DLGAP2: variants seen among roughly 807,000 people sequenced by gnomAD.
DLGAP2 encodes the protein DLG associated protein 2.
In DLGAP2, 26 loss-of-function variants were observed where a neutral mutation model predicts 100.3. The ratio of observed to expected loss-of-function variants is 0.26; its 90% CI spans 0.19 to 0.36. The LOEUF is 0.36. DLGAP2 is among the 10% of genes least tolerant of loss of function. The pLI is 1.00. For synonymous variants in DLGAP2, 886 were observed against 630.1 expected (o/e 1.41, Z -6.08); for missense variants, 1,858 against 1,453.2 (o/e 1.28, Z -4.53).
intron 3 of DLGAP2, among the ~76,000 whole-genome samples, chr8:1,327,629 G>T (rs140076083): frequency 0.023 from 3,570 of 152,198 alleles, 153 homozygotes; most frequent in African/African-American, 0.082. Flanking sequence ...TGGATCACGA[G>T]GTCAGGAGAT....
intron 3 of DLGAP2, among the ~76,000 whole-genome samples, chr8:1,262,932 G>A (rs955283728): frequency 6.6e-6 from 1 of 152,060 alleles, no homozygotes; most frequent in African/African-American, 2.4e-5. Flanking sequence ...GGCTTGATTT[G>A]TCACCACAGC....
At chr8:1,630,702 G>GA (rs753113277) in intron 7 of DLGAP2, among the ~76,000 whole-genome samples, 162 of 136,524 alleles carry the variant, frequency 1.2e-3, no homozygotes, top group South Asian at 9.3e-4. Flanking sequence ...ACTCCATCTC[G>GA]AAAAAAAAAA....
intron 2 of DLGAP2, among the ~76,000 whole-genome samples, chr8:1,078,196 A>G (rs1423340801): frequency 2.0e-5 from 3 of 152,172 alleles, no homozygotes. Flanking sequence ...TTATTCATCT[A>G]GAACATTATT....
chr8:1,158,848 A>C (rs1796840558), intron 2 of DLGAP2, among the ~76,000 whole-genome samples: 1 of 152,176 alleles, frequency 6.6e-6, no homozygotes, highest in Non-Finnish European at 1.5e-5. Context: ...GGACCCCGTT[A>C]GTGGGATTCT....
At chr8:918,031 T>C (rs948939660) in intron 2 of DLGAP2, among the ~76,000 whole-genome samples, 27 of 152,174 alleles carry the variant, frequency 1.8e-4, no homozygotes, top group African/African-American at 6.5e-4. Context: ...TCTAGGGCTG[T>C]GGATGATGTG....
chr8:1,121,974 A>G (rs908401922), intron 2 of DLGAP2, among the ~76,000 whole-genome samples: 1 of 152,092 alleles, frequency 6.6e-6, no homozygotes, highest in African/African-American at 2.4e-5. Context: ...CTTCTTTCTC[A>G]TGGTGTTGCC....
intron 2 of DLGAP2, among the ~76,000 whole-genome samples, chr8:1,218,174 C>T (rs1379579962): frequency 1.3e-5 from 2 of 152,162 alleles, no homozygotes; most frequent in Non-Finnish European, 2.9e-5. Context: ...ACACTATGTT[C>T]AGAATGGTAT....
intron 2 of DLGAP2, among the ~76,000 whole-genome samples, chr8:1,200,437 G>C (rs1053018122): frequency 1.3e-5 from 2 of 152,196 alleles, no homozygotes; most frequent in African/African-American, 4.8e-5. Context: ...GATTCATGGT[G>C]TTTCCGTTCA....
intron 3 of DLGAP2, among the ~76,000 whole-genome samples, chr8:1,337,977 C>T (rs758890899): frequency 6.6e-6 from 1 of 152,134 alleles, no homozygotes; most frequent in African/African-American, 2.4e-5. Flanking sequence ...AAATCAAAAC[C>T]AAGATGAGAT....
chr8:1,316,422 G>A (rs1276413342), intron 3 of DLGAP2, among the ~76,000 whole-genome samples: 49 of 140,466 alleles, frequency 3.5e-4, no homozygotes, highest in Non-Finnish European at 6.4e-4. Context: ...TGCGAGTGCA[G>A]CGTCTCTCCA....
At chr8:1,633,307 T>C (rs1302641915) in intron 8 of DLGAP2, among the ~76,000 whole-genome samples, 1 of 128,324 alleles carries the variant, frequency 7.8e-6, no homozygotes, top group African/African-American at 4.2e-5. Flanking sequence ...TGTAAAGTTT[T>C]AGAGAGGAGA....
intron 3 of DLGAP2, among the ~76,000 whole-genome samples, chr8:1,484,844 A>G (rs562278033): frequency 6.6e-6 from 1 of 152,246 alleles, no homozygotes; most frequent in South Asian, 2.1e-4. Context: ...CTGTATCACA[A>G]TATTTCCTGG....
intron 3 of DLGAP2, among the ~76,000 whole-genome samples, chr8:1,285,486 C>T (rs1272742161): frequency 2.6e-5 from 4 of 152,084 alleles, no homozygotes; most frequent in African/African-American, 9.7e-5. Flanking sequence ...TGATGGAAGG[C>T]CTGTCTGGAT....
chr8:1,372,387 C>T (rs1021927710), intron 3 of DLGAP2, among the ~76,000 whole-genome samples: 4 of 152,276 alleles, frequency 2.6e-5, no homozygotes, highest in African/African-American at 9.6e-5. Context: ...TGCAGGCGAG[C>T]AAAGCAGACA....
chr8:1,200,750 C>G (rs1378839405), intron 2 of DLGAP2, among the ~76,000 whole-genome samples: 4 of 151,554 alleles, frequency 2.6e-5, no homozygotes, highest in African/African-American at 7.3e-5. Context: ...ACTTACAGAG[C>G]TGTAATAACA....
intron 5 of DLGAP2, among the ~76,000 whole-genome samples, chr8:1,553,984 G>A (rs1040834662): frequency 6.6e-6 from 1 of 152,168 alleles, no homozygotes; most frequent in Non-Finnish European, 1.5e-5. Context: ...TCTACAATAA[G>A]CATTTAAAAG....
chr8:841,143 C>T (rs1413815810), intron 1 of DLGAP2, among the ~76,000 whole-genome samples: 2 of 152,172 alleles, frequency 1.3e-5, no homozygotes, highest in Admixed American at 6.5e-5. Flanking sequence ...TGGAGCAGTT[C>T]ATATGGAAAA....
intron 2 of DLGAP2, among the ~76,000 whole-genome samples, chr8:1,179,191 C>T (rs962010197): frequency 2.0e-5 from 3 of 152,244 alleles, no homozygotes; most frequent in Admixed American, 6.5e-5. Flanking sequence ...AAGTAAATGG[C>T]AAAGCCTGTT....
chr8:805,105 G>C (rs1796243004), intron 1 of DLGAP2, among the ~76,000 whole-genome samples: 1 of 152,160 alleles, frequency 6.6e-6, no homozygotes, highest in Admixed American at 6.5e-5. Flanking sequence ...ACACTTACCT[G>C]ACTGATTCGT....
Sources: allele counts gnomAD v4.1 joint callset (sites outside exome capture counted in the v4.1 genomes callset), GRCh38; gene constraint gnomAD v4.1.1; transcripts MANE v1.5; gene names NCBI Gene and HGNC (gene_info 2026-07-23, HGNC 2026-07-21).